The following DLG1 variants were observed in gnomAD, a reference collection of about 807,000 sequenced individuals.
DLG1 encodes disks large homolog 1.
A neutral mutation model predicts 123.4 loss-of-function variants in DLG1; 42 were observed. The ratio of observed to expected loss-of-function variants is 0.34; its 90% CI spans 0.27 to 0.44. The LOEUF is 0.44. Among genes scored for constraint, DLG1 ranks in the 20% least tolerant of loss-of-function variants. The probability of loss-of-function intolerance (pLI) is 1.00; values close to 1 mark genes in which losing one functional copy is unlikely to be tolerated. For missense variants in DLG1, 942 were observed against 1,082.6 expected (o/e 0.87, Z 1.82); for synonymous variants, 317 against 356.2 (o/e 0.89, Z 1.24).
intron 4 of DLG1, among the ~76,000 whole-genome samples, chr3:197,273,324 T>C (rs1764782488): frequency 6.6e-6 from 1 of 151,816 alleles, no homozygotes; most frequent in Admixed American, 6.6e-5. Context: ...CTCGGCTCAC[T>C]GCAACCTCTG....
intron 1 of DLG1, chr3:197,297,923 AG>A: frequency 1.0e-6 from 1 of 983,280 alleles, no homozygotes. Context: ...AGCCGAGCGG[AG>A]GGGGCGAAGG....
At chr3:197,123,618 T>TG (rs1365875463) in intron 11 of DLG1, among the ~76,000 whole-genome samples, 1 of 152,248 alleles carries the variant, frequency 6.6e-6, no homozygotes, top group African/African-American at 2.4e-5. Flanking sequence ...TACCAAGGGT[T>TG]GGTGAGGATG....
intron 14 of DLG1, among the ~76,000 whole-genome samples, chr3:197,097,792 G>C: frequency 6.6e-6 from 1 of 151,850 alleles, no homozygotes; most frequent in Non-Finnish European, 1.5e-5. Context: ...GTGTTGACCA[G>C]GCTGGTCTCA....
chr3:197,070,171 A>G (rs1353015945), intron 18 of DLG1: 1 of 151,936 alleles, frequency 6.6e-6, no homozygotes, highest in Non-Finnish European at 1.5e-5. Flanking sequence ...AAAGACTAAT[A>G]CTTTTATTTT....
intron 5 of DLG1, 55 bp downstream of exon 5, chr3:197,194,370 T>C (rs1721312842): frequency 1.6e-6 from 2 of 1,218,660 alleles, no homozygotes; most frequent in Non-Finnish European, 1.1e-6. Flanking sequence ...ATGAGCTATA[T>C]GTATAACAAA....
chr3:197,193,074 T>C (rs1305776462), intron 5 of DLG1, among the ~76,000 whole-genome samples: 2 of 152,154 alleles, frequency 1.3e-5, no homozygotes, highest in Non-Finnish European at 2.9e-5. Flanking sequence ...TAGTATGATA[T>C]CACTCCTCAA....
chr3:197,225,623 C>A (rs1739471176), intron 4 of DLG1, among the ~76,000 whole-genome samples: 1 of 152,196 alleles, frequency 6.6e-6, no homozygotes, highest in Admixed American at 6.5e-5. Flanking sequence ...AATAATTAAT[C>A]CTCATTAATG....
intron 3 of DLG1, among the ~76,000 whole-genome samples, chr3:197,287,455 A>G (rs112864826): frequency 1.7e-5 from 2 of 120,420 alleles, no homozygotes; most frequent in African/African-American, 3.0e-5. Context: ...TTCCAAACGT[A>G]TTAAGGGCAG....
At chr3:197,047,602 T>C (rs1724238642) in intron 24 of DLG1, among the ~76,000 whole-genome samples, 1 of 152,068 alleles carries the variant, frequency 6.6e-6, no homozygotes, top group Non-Finnish European at 1.5e-5. Context: ...ACTTTTTTTT[T>C]TTTTAAACAA....
intron 18 of DLG1, among the ~76,000 whole-genome samples, chr3:197,073,389 C>G (rs1290706465): frequency 1.3e-5 from 2 of 152,104 alleles, no homozygotes; most frequent in Non-Finnish European, 2.9e-5. Context: ...CTTCTGAGCA[C>G]CTTATGTATC....
intron 4 of DLG1, among the ~76,000 whole-genome samples, chr3:197,230,284 GTAAATATATGGTAA>G (rs1162536597): frequency 1.3e-5 from 2 of 152,076 alleles, no homozygotes; most frequent in Non-Finnish European, 2.9e-5. Flanking sequence ...AATTTATTAA[GTAAATATATGGTAA>G]TAAATACTAC....
chr3:197,231,574 G>A lies in DLG1; in HGVS notation c.319-36985C>T, dbSNP rs187834573. Among the ~76,000 whole-genome samples the A allele has an allele frequency of 4.8e-3, 721 of 151,766 alleles. 9 individuals are homozygous for A. The highest frequency in any genetic ancestry group is 0.017 in the African/African-American group (690 of 41,376). ...AAATTAGCCAGGCATGGTGGCAGGC[G>A]CCTGTAGTCCCAGCTACTCGGGGGG... On this transcript the variant is annotated intron_variant, in intron 4 of 24. Transcript: ENST00000667157.
chr3:197,049,733 CA>C (rs993911860), intron 24 of DLG1, among the ~76,000 whole-genome samples: 4 of 151,724 alleles, frequency 2.6e-5, no homozygotes, highest in Non-Finnish European at 5.9e-5. Context: ...GCAGCAAGAG[CA>C]AAACTCCATC....
At chr3:197,243,736 T>C (rs1238106838) in intron 4 of DLG1, among the ~76,000 whole-genome samples, 1 of 152,202 alleles carries the variant, frequency 6.6e-6, no homozygotes, top group East Asian at 1.9e-4. Flanking sequence ...TTGGTTATAG[T>C]AGATATAATT....
intron 4 of DLG1, among the ~76,000 whole-genome samples, chr3:197,196,189 A>G (rs1722428031): frequency 6.6e-6 from 1 of 151,466 alleles, no homozygotes; most frequent in Non-Finnish European, 1.5e-5. Flanking sequence ...AAAAAAAAAA[A>G]AAAAAAAGAA....
chr3:197,141,685 A>G (rs918073675), intron 7 of DLG1, among the ~76,000 whole-genome samples: 6 of 152,336 alleles, frequency 3.9e-5, no homozygotes, highest in Non-Finnish European at 7.3e-5. Context: ...ATAAGGTGGC[A>G]TTACTATTAT....
chr3:197,286,782 G>A (rs1262223923), intron 3 of DLG1, among the ~76,000 whole-genome samples: 3 of 152,064 alleles, frequency 2.0e-5, no homozygotes, highest in African/African-American at 7.2e-5. Context: ...AGGCTGGAGT[G>A]CAATGGTATG....
intron 11 of DLG1, 68 bp from the exon 12 acceptor site, chr3:197,119,598 T>C: frequency 7.1e-7 from 1 of 1,400,756 alleles, no homozygotes. Context: ...CATTTATGAG[T>C]GATTAATGTG....
chr3:197,073,669 CTTCTT>C (rs1560480473), intron 18 of DLG1, among the ~76,000 whole-genome samples: 1 of 152,154 alleles, frequency 6.6e-6, no homozygotes, highest in Non-Finnish European at 1.5e-5. Context: ...ATTTGACTCT[CTTCTT>C]CTCAGAATAA....
Sources: gnomAD v4.1 joint callset for allele counts (sites outside exome capture counted in the v4.1 genomes callset) on GRCh38, gnomAD v4.1.1 for gene constraint, MANE v1.5 for transcripts, NCBI Gene and HGNC (gene_info 2026-07-23, HGNC 2026-07-21) for gene names.